NTM: variants seen among roughly 807,000 people sequenced by gnomAD.
The protein encoded by NTM is neurotrimin.
NTM carries 13 observed loss-of-function variants against 42.1 expected under a neutral mutation model. The ratio of observed to expected loss-of-function variants is 0.31; its 90% CI spans 0.20 to 0.49. The LOEUF (loss-of-function observed/expected upper bound fraction) is 0.49, where lower values mean the gene tolerates loss of function less well. NTM is among the 20% of genes least tolerant of loss of function. NTM has a pLI of 0.99. For missense variants in NTM, 373 were observed against 452.8 expected, an observed-to-expected ratio of 0.82 and a Z score of 1.60; for synonymous variants, 187 against 179.2, an observed-to-expected ratio of 1.04 and a Z score of -0.35.
chr11:132,200,115 C>T (rs887035231), intron 3 of NTM, among the ~76,000 whole-genome samples: 3 of 152,084 alleles, frequency 2.0e-5, no homozygotes, highest in Non-Finnish European at 2.9e-5. Context: ...GAAGGAGCTT[C>T]GCCTTGATCT....
chr11:132,299,321 A>T (rs912010093), intron 4 of NTM, among the ~76,000 whole-genome samples: 1 of 152,012 alleles, frequency 6.6e-6, no homozygotes, highest in Non-Finnish European at 1.5e-5. Flanking sequence ...ACAAAACAAA[A>T]AATACTATTC....
chr11:132,028,736 A>G (rs570447253), intron 2 of NTM, among the ~76,000 whole-genome samples: 153 of 152,302 alleles, frequency 1.0e-3, no homozygotes, highest in African/African-American at 3.5e-3. Flanking sequence ...TCCCTGCATC[A>G]TTAGGCTCTG....
intron 2 of NTM, among the ~76,000 whole-genome samples, chr11:131,958,783 C>T (rs1460801678): frequency 1.3e-5 from 2 of 152,196 alleles, no homozygotes; most frequent in Non-Finnish European, 2.9e-5. Context: ...TTCTGTACTA[C>T]TCTCGCGAGT....
intron 4 of NTM, among the ~76,000 whole-genome samples, chr11:132,282,367 G>A (rs1329737716): frequency 1.3e-5 from 2 of 152,346 alleles, no homozygotes; most frequent in East Asian, 3.9e-4. Flanking sequence ...CTGGAAGCCA[G>A]TGGGTAACTT....
intron 1 of NTM, among the ~76,000 whole-genome samples, chr11:131,903,407 C>A (rs144032846): frequency 6.6e-6 from 1 of 152,162 alleles, no homozygotes; most frequent in Admixed American, 6.5e-5. Context: ...ATATTAACAG[C>A]GTATTTATTG....
chr11:131,986,289 A>G (rs993100177), intron 2 of NTM, among the ~76,000 whole-genome samples: 1 of 152,178 alleles, frequency 6.6e-6, no homozygotes, highest in African/African-American at 2.4e-5. Flanking sequence ...ATTGGATGAG[A>G]GTCATCTGCT....
intron 2 of NTM, among the ~76,000 whole-genome samples, chr11:132,140,136 T>G (rs529327090): frequency 6.6e-6 from 1 of 151,956 alleles, no homozygotes; most frequent in South Asian, 2.1e-4. Flanking sequence ...CCCAGTGGAG[T>G]GAGATAACCT....
chr11:131,547,940 G>A (rs893126663), intron 1 of NTM, among the ~76,000 whole-genome samples: 7 of 152,124 alleles, frequency 4.6e-5, no homozygotes, highest in African/African-American at 1.4e-4. Context: ...CCTAGGAGGC[G>A]TCCGAATAAG....
At chr11:131,592,010 A>G (rs1309948427) in intron 1 of NTM, among the ~76,000 whole-genome samples, 1 of 152,142 alleles carries the variant, frequency 6.6e-6, no homozygotes, top group Non-Finnish European at 1.5e-5. Context: ...CCTTTATACA[A>G]ATAGAGCACT....
intron 1 of NTM, chr11:131,910,987 G>A (rs1280630719): frequency 6.0e-6 from 6 of 997,646 alleles, no homozygotes; most frequent in Non-Finnish European, 7.2e-6. Flanking sequence ...TTTTCCGGTG[G>A]CGAGCCCGGC....
chr11:132,248,756 G>A (rs1440526828), intron 4 of NTM, among the ~76,000 whole-genome samples: 1 of 152,240 alleles, frequency 6.6e-6, no homozygotes, highest in Non-Finnish European at 1.5e-5. Flanking sequence ...ATTGATGCCA[G>A]GAGGGAAACA....
chr11:131,770,923 C>T (rs2085973370), intron 1 of NTM: 1 of 152,206 alleles, frequency 6.6e-6, no homozygotes, highest in Non-Finnish European at 1.5e-5. Context: ...TGCTGTTGCT[C>T]TTTCTGCTGC....
chr11:131,602,925 A>C (rs2060616312), intron 1 of NTM, among the ~76,000 whole-genome samples: 1 of 152,094 alleles, frequency 6.6e-6, no homozygotes, highest in South Asian at 2.1e-4. Flanking sequence ...TACCTGCAAA[A>C]TATGTCTTGT....
chr11:131,505,869 G>A (rs186243931), intron 1 of NTM, among the ~76,000 whole-genome samples: 6 of 152,120 alleles, frequency 3.9e-5, no homozygotes, highest in Admixed American at 1.3e-4. Flanking sequence ...GTGATCCCGC[G>A]CAAGTTACTT....
At chr11:131,875,309 C>T (rs991261316) in intron 1 of NTM, among the ~76,000 whole-genome samples, 22 of 152,166 alleles carry the variant, frequency 1.4e-4, no homozygotes, top group African/African-American at 5.3e-4. Flanking sequence ...AACATCACTG[C>T]TTATAATATT....
intron 1 of NTM, among the ~76,000 whole-genome samples, chr11:131,882,043 A>C (rs2137293499): frequency 6.6e-6 from 1 of 152,286 alleles, no homozygotes; most frequent in African/African-American, 2.4e-5. Flanking sequence ...TCACAGAGGA[A>C]GGATATATTC....
chr11:131,618,022 C>T (rs2062126212), intron 1 of NTM, among the ~76,000 whole-genome samples: 1 of 152,078 alleles, frequency 6.6e-6, no homozygotes, highest in Non-Finnish European at 1.5e-5. Flanking sequence ...GGGATGAGAG[C>T]CAGGCAGAGA....
chr11:132,138,312 A>G (rs1348820964), intron 2 of NTM, among the ~76,000 whole-genome samples: 2 of 152,222 alleles, frequency 1.3e-5, no homozygotes, highest in Non-Finnish European at 2.9e-5. Flanking sequence ...ATGGGGGAAC[A>G]GCAAAATTTT....
At chr11:131,444,330 C>A (rs1591682373) in intron 1 of NTM, among the ~76,000 whole-genome samples, 2 of 151,394 alleles carry the variant, frequency 1.3e-5, no homozygotes, top group South Asian at 4.2e-4. Context: ...CCAAGGAGTG[C>A]GTCTTATGGA....
Sources: allele counts gnomAD v4.1 joint callset (sites outside exome capture counted in the v4.1 genomes callset), GRCh38; gene constraint gnomAD v4.1.1; transcripts MANE v1.5; gene names NCBI Gene and HGNC (gene_info 2026-07-23, HGNC 2026-07-21).